Variants in ROBO1 observed in about 807,000 individuals in gnomAD.
ROBO1 encodes the protein roundabout guidance receptor 1.
ROBO1 carries 149 observed loss-of-function variants against 195.9 expected under a neutral mutation model. That is an observed-to-expected ratio of 0.76 (90% CI 0.67 to 0.87). The LOEUF (loss-of-function observed/expected upper bound fraction) is 0.87. Among genes scored for constraint, ROBO1 ranks in the 40% least tolerant of loss-of-function variants. The probability of loss-of-function intolerance (pLI) is 0.00; values close to 1 mark genes in which losing one functional copy is unlikely to be tolerated. For missense variants in ROBO1, 1,933 were observed against 2,068.3 expected (o/e 0.93, Z 1.27); for synonymous variants, 816 against 733.2 (o/e 1.11, Z -1.82).
At chr3:78,693,634 A>G (rs2081224273) in intron 8 of ROBO1, among the ~76,000 whole-genome samples, 1 of 152,218 alleles carries the variant, frequency 6.6e-6, no homozygotes, top group South Asian at 2.1e-4. Context: ...AAATTATAAA[A>G]CATTTTAAAA....
intron 2 of ROBO1, among the ~76,000 whole-genome samples, chr3:79,173,305 G>A (rs146792218): frequency 6.6e-5 from 10 of 152,276 alleles, no homozygotes; most frequent in African/African-American, 1.9e-4. Flanking sequence ...CGAGGCTGGA[G>A]CCAGCTCCCT....
chr3:79,247,129 G>GTTTTTT lies in ROBO1; in HGVS notation c.89-121596_89-121591dup, dbSNP rs575917340. ...AAAAGCATTAAGGCTCCTGTTTACT[G>GTTTTTT]TTTTTTTTTTTTTGTAAGAAGTATA... On this transcript the variant is annotated intron_variant, in intron 2 of 30. Transcript: ENST00000464233. Among the ~76,000 whole-genome samples the GTTTTTT allele has an allele frequency of 6.4e-3, 859 of 134,770 alleles. 21 individuals are homozygous for GTTTTTT. Among genetic ancestry groups the GTTTTTT allele is most frequent in the African/African-American group, 0.022 (800 of 36,130 alleles). The allele number at this position is 134,770 out of a possible 152,430, so 88.4% of individuals were successfully genotyped here.
intron 2 of ROBO1, among the ~76,000 whole-genome samples, chr3:79,278,445 A>C (rs2031240959): frequency 6.6e-6 from 1 of 152,174 alleles, no homozygotes; most frequent in African/African-American, 2.4e-5. Context: ...CCTTAATCCT[A>C]CAGTGCTACA....
At chr3:79,469,033 A>T (rs1451371187) in intron 2 of ROBO1, among the ~76,000 whole-genome samples, 1 of 152,166 alleles carries the variant, frequency 6.6e-6, no homozygotes, top group South Asian at 2.1e-4. Flanking sequence ...AATCTACTTA[A>T]CAACCTACTA....
At chr3:79,092,638 TATA>T (rs1441269522) in intron 3 of ROBO1, among the ~76,000 whole-genome samples, 3 of 152,182 alleles carry the variant, frequency 2.0e-5, no homozygotes. Context: ...TTCCTTTCGT[TATA>T]ATAACGGTAG....
intron 8 of ROBO1, among the ~76,000 whole-genome samples, chr3:78,712,053 C>T (rs1197567871): frequency 1.8e-5 from 2 of 113,846 alleles, no homozygotes; most frequent in Non-Finnish European, 3.6e-5. Flanking sequence ...AAAAAAAACT[C>T]TCAAATCAGG....
At chr3:79,631,170 A>C (rs1447931348) in intron 1 of ROBO1, among the ~76,000 whole-genome samples, 1 of 133,582 alleles carries the variant, frequency 7.5e-6, no homozygotes, top group Non-Finnish European at 1.6e-5. Context: ...ATGGAACAAA[A>C]AAGAGCCTGC....
At chr3:79,587,623 GT>G (rs1176996627) in intron 2 of ROBO1, among the ~76,000 whole-genome samples, 13 of 151,360 alleles carry the variant, frequency 8.6e-5, no homozygotes, top group East Asian at 7.8e-4. Flanking sequence ...AAGAAATTAT[GT>G]TTTTTTTAAA....
intron 2 of ROBO1, among the ~76,000 whole-genome samples, chr3:79,204,890 T>TTTTTTG (rs543259409): frequency 2.7e-4 from 41 of 152,198 alleles, no homozygotes; most frequent in Admixed American, 7.9e-4. Context: ...GGTTACGTCT[T>TTTTTTG]TTTTTGTTTT....
At chr3:78,694,783 G>T (rs1281294417) in intron 8 of ROBO1, among the ~76,000 whole-genome samples, 2 of 152,068 alleles carry the variant, frequency 1.3e-5, no homozygotes, top group African/African-American at 4.8e-5. Context: ...TGTAACAACA[G>T]AATTTTGCTT....
At chr3:79,151,824 A>G (rs2080777111) in intron 2 of ROBO1, among the ~76,000 whole-genome samples, 1 of 151,112 alleles carries the variant, frequency 6.6e-6, no homozygotes, top group Non-Finnish European at 1.5e-5. Flanking sequence ...GGAACTCACC[A>G]CTCTTGTCTC....
intron 4 of ROBO1, among the ~76,000 whole-genome samples, chr3:78,865,597 G>T (rs182980332): frequency 6.6e-6 from 1 of 150,666 alleles, no homozygotes; most frequent in African/African-American, 2.4e-5. Flanking sequence ...TCAGCCTCCC[G>T]AGTAGCTGGG....
Position 79,107,415 on chromosome 3 carries a change from G to A in ROBO1, c.172+18041C>T, listed in dbSNP as rs891344943. Among the ~76,000 whole-genome samples the A allele has an allele frequency of 2.0e-5, 3 of 151,700 alleles. No individual in the cohort carries two copies. In the South Asian group the frequency reaches 6.2e-4, roughly 32 times the overall value. The stretch of plus-strand genomic sequence containing the variant: ...TCATTATAAGAGTTATAGCAGAGTT[G>A]CAAACATAAAATACATTTTACTGAG... On this transcript the variant is annotated intron_variant, in intron 3 of 30. Transcript: ENST00000464233.
chr3:78,888,587 A>G (rs162428), intron 4 of ROBO1, among the ~76,000 whole-genome samples: 47,035 of 152,164 alleles, frequency 0.31, 7,417 homozygotes, highest in Non-Finnish European at 0.34. Flanking sequence ...CTTAAAATGA[A>G]TATCGTCAGC....
intron 1 of ROBO1, among the ~76,000 whole-genome samples, chr3:79,765,337 C>T (rs1206860170): frequency 6.6e-6 from 1 of 152,198 alleles, no homozygotes; most frequent in Non-Finnish European, 1.5e-5. Flanking sequence ...ACAAAGTCAT[C>T]TTACCAACTG....
At chr3:79,760,139 A>AG (rs761132822) in intron 1 of ROBO1, among the ~76,000 whole-genome samples, 24 of 147,578 alleles carry the variant, frequency 1.6e-4, no homozygotes, top group South Asian at 1.6e-3. Flanking sequence ...CGGGAGGCTG[A>AG]GCCAGGAGAA....
chr3:78,759,024 C>T (rs1371160284), intron 4 of ROBO1: 1 of 152,246 alleles, frequency 6.6e-6, no homozygotes, highest in Non-Finnish European at 1.5e-5. Flanking sequence ...GACACTAACA[C>T]TGCTTTGCAA....
chr3:79,288,028 TC>T (rs1258734193), intron 2 of ROBO1, among the ~76,000 whole-genome samples: 2 of 152,142 alleles, frequency 1.3e-5, no homozygotes, highest in Non-Finnish European at 2.9e-5. Flanking sequence ...ATAGTAATTT[TC>T]TTAAAGATTC....
At chr3:79,424,348 A>T (rs1358721309) in intron 2 of ROBO1, among the ~76,000 whole-genome samples, 1 of 152,090 alleles carries the variant, frequency 6.6e-6, no homozygotes, top group Non-Finnish European at 1.5e-5. Flanking sequence ...ACTGAATATG[A>T]CCTGGACCAG....
Sources: allele counts gnomAD v4.1 joint callset (sites outside exome capture counted in the v4.1 genomes callset), GRCh38; gene constraint gnomAD v4.1.1; transcripts MANE v1.5; gene names NCBI Gene and HGNC (gene_info 2026-07-23, HGNC 2026-07-21).